The following OSBPL1A variants were observed in gnomAD, a reference collection of about 807,000 sequenced individuals.
The protein encoded by OSBPL1A is oxysterol-binding protein-related protein 1.
A neutral mutation model predicts 137.1 loss-of-function variants in OSBPL1A; 80 were observed. The observed-to-expected ratio is 0.58, with a 90% CI of 0.49 to 0.70. OSBPL1A has a LOEUF of 0.70. OSBPL1A is among the 30% of genes least tolerant of loss of function. The pLI is 0.00. For synonymous variants in OSBPL1A, 365 were observed against 389.7 expected, an observed-to-expected ratio of 0.94 and a Z score of 0.75; for missense variants, 970 against 1,129.4, an observed-to-expected ratio of 0.86 and a Z score of 2.02.
At chr18:24,279,157 G>A (rs1451398477) in intron 15 of OSBPL1A, among the ~76,000 whole-genome samples, 2 of 150,756 alleles carry the variant, frequency 1.3e-5, no homozygotes, top group African/African-American at 2.4e-5. Context: ...GCTCGTGCCT[G>A]TAATCCCAGC....
chr18:24,273,423 A>G (rs1171991243), intron 15 of OSBPL1A, among the ~76,000 whole-genome samples: 1 of 152,246 alleles, frequency 6.6e-6, no homozygotes, highest in Admixed American at 6.5e-5. Context: ...TTAAAAGGCA[A>G]TCTACATGGC....
At chr18:24,281,284 C>A (rs1478029756) in intron 14 of OSBPL1A, among the ~76,000 whole-genome samples, 1 of 152,014 alleles carries the variant, frequency 6.6e-6, no homozygotes, top group East Asian at 1.9e-4. Flanking sequence ...CGGGGATTCA[C>A]CATATTGGCC....
chr18:24,312,202 G>T (rs1401772953), intron 12 of OSBPL1A, 96 bp from the exon 13 acceptor site: 3 of 1,432,394 alleles, frequency 2.1e-6, no homozygotes, highest in Non-Finnish European at 2.8e-6. Flanking sequence ...TTTACCTAGT[G>T]AAATAAATAT....
chr18:24,180,481 G>GTA (rs1555626038), intron 19 of OSBPL1A, among the ~76,000 whole-genome samples: 5 of 150,010 alleles, frequency 3.3e-5, no homozygotes, highest in Non-Finnish European at 5.9e-5. Context: ...GTGTGTGTGT[G>GTA]TGTATGTGTT....
chr18:24,383,940 G>T (rs1288142166), intron 1 of OSBPL1A, among the ~76,000 whole-genome samples: 2 of 152,210 alleles, frequency 1.3e-5, no homozygotes, highest in Non-Finnish European at 2.9e-5. Flanking sequence ...GATGGTCCCT[G>T]CCCTCCAGAA....
At chr18:24,176,758 A>T (rs2086458808) in intron 21 of OSBPL1A, among the ~76,000 whole-genome samples, 1 of 152,196 alleles carries the variant, frequency 6.6e-6, no homozygotes. Flanking sequence ...CTCAATAGCC[A>T]TCCAGGGACC....
At chr18:24,314,931 C>T (rs917213156) in intron 11 of OSBPL1A, among the ~76,000 whole-genome samples, 2 of 152,118 alleles carry the variant, frequency 1.3e-5, no homozygotes, top group African/African-American at 2.4e-5. Context: ...ACAAGCTTAG[C>T]GTTCCAATAA....
intron 16 of OSBPL1A, among the ~76,000 whole-genome samples, chr18:24,226,215 T>C (rs1363972006): frequency 6.6e-6 from 1 of 152,196 alleles, no homozygotes; most frequent in East Asian, 1.9e-4. Flanking sequence ...TCATCTCTTT[T>C]GAGCATCAAA....
intron 7 of OSBPL1A, among the ~76,000 whole-genome samples, chr18:24,328,355 T>C (rs147299290): frequency 2.0e-5 from 3 of 150,574 alleles, no homozygotes; most frequent in African/African-American, 7.3e-5. Flanking sequence ...TCACTGCACC[T>C]GGCCAAAATC....
chr18:24,226,791 A>C (rs2088092182), intron 16 of OSBPL1A, among the ~76,000 whole-genome samples: 1 of 152,064 alleles, frequency 6.6e-6, no homozygotes, highest in Non-Finnish European at 1.5e-5. Context: ...AAAGGCTTTT[A>C]ATGTTGGGAA....
intron 1 of OSBPL1A, among the ~76,000 whole-genome samples, chr18:24,379,204 A>G (rs2146206881): frequency 6.6e-6 from 1 of 152,316 alleles, no homozygotes; most frequent in East Asian, 1.9e-4. Flanking sequence ...AGAAAATAAA[A>G]TGTTAAGAAA....
intron 16 of OSBPL1A, among the ~76,000 whole-genome samples, chr18:24,235,363 T>C (rs996242406): frequency 6.6e-5 from 10 of 152,178 alleles, no homozygotes; most frequent in African/African-American, 2.4e-4. Flanking sequence ...TATGACCCAT[T>C]TGCAGATGAA....
At chr18:24,293,104 C>CAAAAAAAAAAAAAAAAAAAAAAAAA (rs1172730345) in intron 14 of OSBPL1A, among the ~76,000 whole-genome samples, 1 of 66,376 alleles carries the variant, frequency 1.5e-5, no homozygotes, top group Non-Finnish European at 2.7e-5. Context: ...ACTCCCGTCT[C>CAAAAAAAAAAAAAAAAAAAAAAAAA]AAAAAAAAAA....
intron 15 of OSBPL1A, among the ~76,000 whole-genome samples, chr18:24,240,116 G>A (rs768017597): frequency 1.3e-5 from 2 of 151,882 alleles, no homozygotes; most frequent in African/African-American, 2.4e-5. Flanking sequence ...TAGAGATGGG[G>A]TTTCACCATG....
At chr18:24,318,550 C>T in intron 9 of OSBPL1A, 51 bp downstream of exon 9, 4 of 1,440,728 alleles carry the variant, frequency 2.8e-6, no homozygotes, top group Non-Finnish European at 3.8e-6. Context: ...AAATAGAGCA[C>T]CTGAGAATTA....
chr18:24,241,046 A>G (rs977851008), intron 15 of OSBPL1A, among the ~76,000 whole-genome samples: 1 of 152,238 alleles, frequency 6.6e-6, no homozygotes, highest in Non-Finnish European at 1.5e-5. Context: ...TATTTAATAA[A>G]TAGTGTTGGG....
Position 24,163,136 on chromosome 18 carries a change from G to A in OSBPL1A, c.*43C>T. On this transcript the variant is annotated 3_prime_UTR_variant, in exon 28 of 28. Coordinates refer to ENST00000319481, the MANE Select transcript of OSBPL1A (RefSeq NM_080597.4). ...AAAAAATTTAAAAACATAGGTTTAAGACTTATTTGTAGATTAGCCAAACAC... is the reference window on the plus strand; with the variant it reads ...AAAAAATTTAAAAACATAGGTTTAAAACTTATTTGTAGATTAGCCAAACAC... The A allele has an allele frequency of 7.0e-7, 1 of 1,424,030 alleles. No homozygotes were observed. Among genetic ancestry groups the A allele is most frequent in the Non-Finnish European group, 9.8e-7 (1 of 1,022,732 alleles). 88.2% of individuals were successfully genotyped at this position (1,424,030 alleles called of 1,614,324 possible).
rs143610311 is a variant in OSBPL1A, at chr18:24,250,105, T to C, written c.1282-10723A>G. ...TAGCAAGATAGGATGCTGGGCAGAA[T>C]TGTGGGGCCCCCATTCCAGGCCTTA... On this transcript the variant is annotated intron_variant, in intron 15 of 27. Transcript: ENST00000319481. 3.2e-4 allele frequency among the ~76,000 whole-genome samples: 48 copies of C among 152,036 alleles called. 1 individual carries two copies. In the East Asian group the frequency reaches 7.9e-3, roughly 25 times the overall value.
At chr18:24,213,314 T>C (rs1391272642) in intron 17 of OSBPL1A, among the ~76,000 whole-genome samples, 3 of 152,218 alleles carry the variant, frequency 2.0e-5, no homozygotes, top group Non-Finnish European at 4.4e-5. Flanking sequence ...ACGCCTGTAA[T>C]CCTAGCACTT....
Sources: gnomAD v4.1 joint callset for allele counts (sites outside exome capture counted in the v4.1 genomes callset) on GRCh38, gnomAD v4.1.1 for gene constraint, MANE v1.5 for transcripts, NCBI Gene and HGNC (gene_info 2026-07-23, HGNC 2026-07-21) for gene names.